Variants in TENM4 observed in about 807,000 individuals in gnomAD.
The protein encoded by TENM4 is teneurin transmembrane protein 4.
Under a neutral mutation model 243.3 loss-of-function variants are expected in TENM4, and 82 were observed. The ratio of observed to expected loss-of-function variants is 0.34; its 90% CI spans 0.28 to 0.40. The LOEUF is 0.40. TENM4 is among the 10% of genes least tolerant of loss of function. TENM4 has a pLI of 1.00. For synonymous variants in TENM4, 1,412 were observed against 1,456.3 expected, an observed-to-expected ratio of 0.97 and a Z score of 0.69; for missense variants, 3,138 against 3,673.3, an observed-to-expected ratio of 0.85 and a Z score of 3.77.
intron 1 of TENM4, among the ~76,000 whole-genome samples, chr11:79,390,275 C>T (rs1464773460): frequency 6.6e-5 from 10 of 152,210 alleles, no homozygotes; most frequent in Non-Finnish European, 1.2e-4. Context: ...AGCACCATCC[C>T]TTCCTTGTCT....
At chr11:78,998,434 G>C (rs1031913668) in intron 6 of TENM4, among the ~76,000 whole-genome samples, 1 of 152,206 alleles carries the variant, frequency 6.6e-6, no homozygotes, top group Admixed American at 6.5e-5. Flanking sequence ...GGCCAAATGA[G>C]GAGGTTGACA....
chr11:78,971,273 T>C (rs888976274), intron 6 of TENM4, among the ~76,000 whole-genome samples: 4 of 152,100 alleles, frequency 2.6e-5, no homozygotes, highest in Non-Finnish European at 4.4e-5. Context: ...TATTCATAGA[T>C]GTTGATTTTT....
intron 4 of TENM4, among the ~76,000 whole-genome samples, chr11:79,085,971 C>T (rs2137040670): frequency 6.6e-6 from 1 of 152,314 alleles, no homozygotes; most frequent in African/African-American, 2.4e-5. Flanking sequence ...TTCATACAAA[C>T]ACCACAAGCA....
intron 1 of TENM4, among the ~76,000 whole-genome samples, chr11:79,411,128 G>A (rs2135572763): frequency 1.3e-5 from 2 of 152,228 alleles, no homozygotes; most frequent in South Asian, 4.1e-4. Context: ...GCTCAGAGAG[G>A]GTAAGTTTAA....
chr11:79,090,964 G>T (rs1031411068), intron 4 of TENM4, among the ~76,000 whole-genome samples: 3 of 152,204 alleles, frequency 2.0e-5, no homozygotes, highest in African/African-American at 4.8e-5. Flanking sequence ...CTGGGGTTGT[G>T]GGGGAGTCAG....
At chr11:79,065,997 C>T (rs936700162) in intron 5 of TENM4, among the ~76,000 whole-genome samples, 4 of 152,170 alleles carry the variant, frequency 2.6e-5, no homozygotes, top group Non-Finnish European at 5.9e-5. Context: ...TCCCACTTAA[C>T]GTGACGATCT....
chr11:79,192,775 A>C (rs1022912094), intron 3 of TENM4, among the ~76,000 whole-genome samples: 1 of 151,796 alleles, frequency 6.6e-6, no homozygotes, highest in Non-Finnish European at 1.5e-5. Flanking sequence ...AAAAAAAAAT[A>C]TTTTCAGCAC....
At chr11:78,897,056 T>G (rs1184105566) in intron 7 of TENM4, among the ~76,000 whole-genome samples, 1 of 152,166 alleles carries the variant, frequency 6.6e-6, no homozygotes, top group Middle Eastern at 3.2e-3. Flanking sequence ...TCAACAATTA[T>G]GATGAATAAC....
chr11:79,175,873 C>T (rs1383957134), intron 3 of TENM4, among the ~76,000 whole-genome samples: 1 of 152,046 alleles, frequency 6.6e-6, no homozygotes, highest in Middle Eastern at 3.2e-3. Context: ...TCACTTGAGC[C>T]CAGGAGTTTG....
intron 2 of TENM4, among the ~76,000 whole-genome samples, chr11:79,273,473 G>T (rs915480085): frequency 1.3e-5 from 2 of 152,180 alleles, no homozygotes; most frequent in Admixed American, 1.3e-4. Flanking sequence ...GATAAAGAAA[G>T]AAATGGCTAT....
At chr11:79,264,221 C>A (rs922526395) in intron 2 of TENM4, among the ~76,000 whole-genome samples, 13 of 152,180 alleles carry the variant, frequency 8.5e-5, no homozygotes, top group African/African-American at 1.7e-4. Context: ...GGCACGGGTG[C>A]TTTACAATCC....
chr11:78,833,810 T>C (rs571525902), intron 12 of TENM4, among the ~76,000 whole-genome samples: 3 of 152,324 alleles, frequency 2.0e-5, no homozygotes, highest in African/African-American at 7.2e-5. Context: ...TTACACTTGA[T>C]TGATAATTTG....
At chr11:78,952,591 C>T (rs906558816) in intron 6 of TENM4, among the ~76,000 whole-genome samples, 3 of 152,204 alleles carry the variant, frequency 2.0e-5, no homozygotes, top group Non-Finnish European at 2.9e-5. Context: ...AGCAAATAGA[C>T]AGGGATCATC....
In TENM4 at chr11:78,950,190, A is replaced by G. The variant is rs535772988; in HGVS notation, c.494-46667T>C. 6.6e-5 allele frequency among the ~76,000 whole-genome samples: 10 copies of G among 152,278 alleles called. No individual in the cohort carries two copies. In the South Asian group the frequency reaches 2.1e-3, roughly 32 times the overall value. On this transcript the variant is annotated intron_variant, in intron 6 of 33. Coordinates refer to ENST00000278550, the MANE Select transcript of TENM4 (RefSeq NM_001098816.3). The stretch of plus-strand genomic sequence containing the variant: ...ACAAAGGCCATCACCAGCTCAGACA[A>G]ATAAGCTGCTTAGCCAGACCTCATG...
chr11:79,011,620 A>G (rs1591205947), intron 6 of TENM4, among the ~76,000 whole-genome samples: 1 of 151,576 alleles, frequency 6.6e-6, no homozygotes, highest in African/African-American at 2.4e-5. Context: ...GCTGGTTGGA[A>G]CCCCAACAGG....
At chr11:79,303,349 T>A (rs1397605714) in intron 1 of TENM4, among the ~76,000 whole-genome samples, 2 of 152,192 alleles carry the variant, frequency 1.3e-5, no homozygotes, top group East Asian at 3.9e-4. Context: ...TAAGCCTCTG[T>A]GTTTTCATTT....
chr11:79,032,735 G>T (rs528222330), intron 6 of TENM4, among the ~76,000 whole-genome samples: 1 of 152,272 alleles, frequency 6.6e-6, no homozygotes, highest in African/African-American at 2.4e-5. Context: ...ATCCCCCTAA[G>T]ATCCAAAGAA....
intron 12 of TENM4, among the ~76,000 whole-genome samples, chr11:78,830,008 C>T (rs1361878809): frequency 2.6e-5 from 4 of 152,160 alleles, no homozygotes; most frequent in African/African-American, 4.8e-5. Flanking sequence ...ACAGTGAGTC[C>T]GTGTGAGATG....
At chr11:78,770,925 T>A in intron 18 of TENM4, 67 bp downstream of exon 18, 1 of 1,537,266 alleles carries the variant, frequency 6.5e-7, no homozygotes, top group African/African-American at 1.4e-5. Flanking sequence ...CTCAGTAATA[T>A]CCATTCTCCA....
Sources: gnomAD v4.1 joint callset for allele counts (sites outside exome capture counted in the v4.1 genomes callset) on GRCh38, gnomAD v4.1.1 for gene constraint, MANE v1.5 for transcripts, NCBI Gene and HGNC (gene_info 2026-07-23, HGNC 2026-07-21) for gene names.